Variants in ENPP2 observed in about 807,000 individuals in gnomAD.
The protein encoded by ENPP2 is ectonucleotide pyrophosphatase/phosphodiesterase 2, also known as autotaxin.
ENPP2 carries 51 observed loss-of-function variants against 120.2 expected under a neutral mutation model. That is an observed-to-expected ratio of 0.42 (90% confidence interval 0.34 to 0.54). The LOEUF is 0.54. Among genes scored for constraint, ENPP2 ranks in the 20% least tolerant of loss-of-function variants. The pLI is 0.04. For missense variants in ENPP2, 920 were observed against 1,066.5 expected (o/e 0.86, Z 1.91); for synonymous variants, 365 against 366.4 (o/e 1.00, Z 0.04).
chr8:119,621,174 C>T (rs1815868327), intron 4 of ENPP2, among the ~76,000 whole-genome samples: 1 of 152,202 alleles, frequency 6.6e-6, no homozygotes, highest in Non-Finnish European at 1.5e-5. Context: ...TATTATGTTT[C>T]TGTCTAATTA....
intron 17 of ENPP2, 142 bp from the exon 18 acceptor site, chr8:119,582,744 G>A: frequency 1.5e-6 from 1 of 646,942 alleles, no homozygotes; most frequent in Non-Finnish European, 2.7e-6. Context: ...GTAGATGGCA[G>A]GCACCCCCTC....
chr8:119,614,159 A>C (rs1815305390), intron 8 of ENPP2, among the ~76,000 whole-genome samples: 1 of 141,846 alleles, frequency 7.0e-6, no homozygotes, highest in Non-Finnish European at 1.5e-5. Context: ...CTCCACCTCC[A>C]GCTTCAAGCA....
At chr8:119,617,400 C>A in intron 6 of ENPP2, 66 bp downstream of exon 6, 1 of 1,231,238 alleles carries the variant, frequency 8.1e-7, no homozygotes. Flanking sequence ...TCAAAGCCCA[C>A]AGCCCACTGG....
At chr8:119,578,756 T>C (rs1812521416) in intron 19 of ENPP2, among the ~76,000 whole-genome samples, 1 of 152,206 alleles carries the variant, frequency 6.6e-6, no homozygotes, top group Non-Finnish European at 1.5e-5. Context: ...ATGGCCTATC[T>C]TCAAAGTGAG....
At chr8:119,641,037 G>A (rs185315799), upstream of ENPP2, among the ~76,000 whole-genome samples, 6 of 152,178 alleles carry the variant, frequency 3.9e-5, no homozygotes, top group East Asian at 5.8e-4. Context: ...GTGAACCACC[G>A]TGCCTGGCCC....
At chr8:119,651,439 G>C (rs1817622847) in intron 1 of ENPP2, among the ~76,000 whole-genome samples, 1 of 152,178 alleles carries the variant, frequency 6.6e-6, no homozygotes, top group South Asian at 2.1e-4. Context: ...GAATAGATAT[G>C]AAAACAACTT....
intron 2 of ENPP2, among the ~76,000 whole-genome samples, chr8:119,629,595 G>A (rs1816516473): frequency 6.6e-6 from 1 of 152,186 alleles, no homozygotes; most frequent in African/African-American, 2.4e-5. Context: ...CAGATCATGA[G>A]ATGTGAAACA....
chr8:119,621,565 A>T, intron 3 of ENPP2, 46 bp from the exon 4 acceptor site: 1 of 1,597,640 alleles, frequency 6.3e-7, no homozygotes, highest in South Asian at 1.1e-5. Flanking sequence ...ACACTAACCA[A>T]ATGAAAGAAG....
intron 10 of ENPP2, 43 bp from the exon 11 acceptor site, chr8:119,600,793 T>C (rs370275701): frequency 9.0e-7 from 1 of 1,109,430 alleles, no homozygotes; most frequent in Non-Finnish European, 1.3e-6. Flanking sequence ...CTAAACCACA[T>C]GTAACAAAAA....
chr8:119,569,435 C>G, intron 20 of ENPP2, 65 bp from the exon 21 acceptor site: 2 of 1,516,830 alleles, frequency 1.3e-6, no homozygotes, highest in Non-Finnish European at 1.8e-6. Context: ...AAATCAAAAC[C>G]CCTCTGGCTT....
intron 11 of ENPP2, among the ~76,000 whole-genome samples, chr8:119,597,017 G>A (rs1296097786): frequency 6.6e-6 from 1 of 151,970 alleles, no homozygotes; most frequent in Non-Finnish European, 1.5e-5. Flanking sequence ...AATGTCTTGA[G>A]AGCCATTCAG....
chr8:119,665,772 T>G (rs957799400), intron 1 of ENPP2, among the ~76,000 whole-genome samples: 3 of 152,212 alleles, frequency 2.0e-5, no homozygotes, highest in Non-Finnish European at 2.9e-5. Context: ...AAAGCAAAGT[T>G]AGCCTTTTTT....
chr8:119,611,246 C>T (rs988067458), intron 8 of ENPP2, among the ~76,000 whole-genome samples: 2 of 152,164 alleles, frequency 1.3e-5, no homozygotes, highest in South Asian at 4.1e-4. Flanking sequence ...TTTCAAAAAA[C>T]ATAAACTACT....
At chr8:119,622,059 G>T (rs1815941968) in intron 3 of ENPP2, among the ~76,000 whole-genome samples, 1 of 152,166 alleles carries the variant, frequency 6.6e-6, no homozygotes, top group Non-Finnish European at 1.5e-5. Flanking sequence ...CTCCTGAGTA[G>T]CTGGGATTAC....
intron 1 of ENPP2, among the ~76,000 whole-genome samples, chr8:119,668,429 CTTTTTT>C (rs5894492): frequency 9.0e-6 from 1 of 110,548 alleles, no homozygotes; most frequent in African/African-American, 3.4e-5. Flanking sequence ...TTTTCTTTTT[CTTTTTT>C]TTTTTTTTTT....
intron 1 of ENPP2, among the ~76,000 whole-genome samples, chr8:119,649,296 G>C (rs1449654227): frequency 6.6e-6 from 1 of 151,158 alleles, no homozygotes; most frequent in Non-Finnish European, 1.5e-5. Flanking sequence ...CAGCTACTCA[G>C]GAGGCTGAGG....
chr8:119,558,648 T>G (rs1327138674), intron 24 of ENPP2, among the ~76,000 whole-genome samples: 1 of 152,110 alleles, frequency 6.6e-6, no homozygotes, highest in Non-Finnish European at 1.5e-5. Flanking sequence ...TGTGGGAAGT[T>G]GAGGGAAAGA....
intron 15 of ENPP2, among the ~76,000 whole-genome samples, chr8:119,585,598 T>C (rs566170801): frequency 6.6e-6 from 1 of 152,148 alleles, no homozygotes; most frequent in African/African-American, 2.4e-5. Flanking sequence ...TCCTTAATAA[T>C]TAACTCATTG....
chr8:119,624,059 G>C (rs965362479), intron 3 of ENPP2, among the ~76,000 whole-genome samples: 1 of 152,124 alleles, frequency 6.6e-6, no homozygotes, highest in Non-Finnish European at 1.5e-5. Context: ...TCTAGATATT[G>C]TGGGGTTTTT....
Sources: allele counts gnomAD v4.1 joint callset (sites outside exome capture counted in the v4.1 genomes callset), GRCh38; gene constraint gnomAD v4.1.1; transcripts MANE v1.5; gene names NCBI Gene and HGNC (gene_info 2026-07-23, HGNC 2026-07-21).